TICAM2: variants seen among roughly 807,000 people sequenced by gnomAD.
The protein encoded by TICAM2 is TIR domain containing adaptor molecule 2.
TICAM2 carries 8 observed loss-of-function variants against 7.3 expected under a neutral mutation model. The ratio of observed to expected loss-of-function variants is 1.10; its 90% CI spans 0.65 to 1.99. TICAM2 has a LOEUF of 1.99. Ranked by LOEUF, TICAM2 falls within the 30% of genes most tolerant of loss-of-function variation. The pLI, the probability that TICAM2 is intolerant of heterozygous loss-of-function variation, is 0.00. For synonymous variants in TICAM2, 113 were observed against 99.6 expected, an observed-to-expected ratio of 1.13 and a Z score of -0.80; for missense variants, 304 against 278.8, an observed-to-expected ratio of 1.09 and a Z score of -0.65.
chr5:115,581,508 G>C (rs919556226), intron 1 of TICAM2, among the ~76,000 whole-genome samples, 193 bp from the exon 2 acceptor site: 2 of 152,126 alleles, frequency 1.3e-5, no homozygotes, highest in African/African-American at 4.8e-5. Flanking sequence ...AGGCAGCGAA[G>C]GGAACATTAA....
At chr5:115,601,996 C>T (rs948908716) in intron 1 of TICAM2, 101 bp downstream of exon 1, 2 of 152,170 alleles carry the variant, frequency 1.3e-5, no homozygotes, top group South Asian at 4.1e-4. Flanking sequence ...GGAGGTAGCG[C>T]AGGCGGCCTG....
At chr5:115,583,380 A>C (rs1025914988) in intron 1 of TICAM2, among the ~76,000 whole-genome samples, 40 of 152,248 alleles carry the variant, frequency 2.6e-4, no homozygotes, top group African/African-American at 9.2e-4. Flanking sequence ...TAGTGTGTCA[A>C]GGCAGATCAC....
rs762000950 is a variant in TICAM2, at chr5:115,581,216, G to A, written c.41C>T (p.Ser14Phe). The stretch of plus-strand genomic sequence containing the variant: ...ACTGTGCCTTTTACCCCAAGAGAGA[G>A]AAAGAGGGCAGGAATTTATTTTAGA... Reference protein sequence around the residue: ...GKSKINSCPLSLSWGKRHSVD... With the variant: ...GKSKINSCPLFLSWGKRHSVD... The change falls in exon 2 of 2, where the codon TCT becomes TTT. Residue 14 changes from serine (S) to phenylalanine (F), a missense_variant. By Grantham distance (155) the Ser-to-Phe change is radical. Transcript: ENST00000427199. 1.2e-6 allele frequency: 2 copies of A among 1,611,568 alleles called. No homozygotes were observed. The highest frequency in any genetic ancestry group is 1.7e-6 in the Non-Finnish European group (2 of 1,179,958).
At position 115,581,227 on chromosome 5, in the gene TICAM2, G is replaced by C; in HGVS notation, c.30C>G (p.Ser10=). Residue 10 remains serine (S), a synonymous_variant, in exon 2 of 2, where the codon TCC becomes TCG. Coordinates refer to ENST00000427199, the MANE Select transcript of TICAM2 (RefSeq NM_021649.7). MGIGKSKIN[S]CPLSLSWGKR... ...TACCCCAAGAGAGAGAAAGAGGGCA[G>C]GAATTTATTTTAGACTTCCCGATAC... The C allele has an allele frequency of 6.2e-7, 1 of 1,610,252 alleles. No homozygotes were observed. Among genetic ancestry groups the C allele is most frequent in the Non-Finnish European group, 8.5e-7 (1 of 1,179,966 alleles).
Position 115,595,364 on chromosome 5 carries a change from C to T in TICAM2, c.-60+6733G>A, listed in dbSNP as rs75518319. 5.0e-3 allele frequency among the ~76,000 whole-genome samples: 758 copies of T among 152,322 alleles called. 6 individuals are homozygous for T. Among genetic ancestry groups the T allele is most frequent in the African/African-American group, 0.017 (713 of 41,560 alleles). ...CAAACCCTCCCCACAACTCCACCCA[C>T]TAAACTTTAAGTCCTGCTAATAGAT... is the stretch of plus-strand genomic sequence containing the variant. On this transcript the variant is annotated intron_variant, in intron 1 of 1. Transcript: ENST00000427199.
Position 115,580,403 on chromosome 5 carries a change from A to G in TICAM2, c.*146T>C. On this transcript the variant is annotated 3_prime_UTR_variant, in exon 2 of 2. Transcript: ENST00000427199. ...ACCACAATTTTATAGGCTGTCCTGC[A>G]GAAATTTATCTTTCTTGTGCTCCAT... The G allele has an allele frequency of 9.2e-7, 1 of 1,086,968 alleles. No individual in the cohort carries two copies. The highest frequency in any genetic ancestry group is 1.2e-6 in the Non-Finnish European group (1 of 821,052). 67.3% of individuals were successfully genotyped at this position (1,086,968 alleles called of 1,614,324 possible).
intron 1 of TICAM2, among the ~76,000 whole-genome samples, chr5:115,590,433 C>A (rs569350718): frequency 2.6e-5 from 4 of 152,124 alleles, no homozygotes; most frequent in South Asian, 2.1e-4. Context: ...AAATATGAAA[C>A]CTTTCCACAG....
At chr5:115,581,380 T>C in intron 1 of TICAM2, 65 bp from the exon 2 acceptor site, 1 of 1,480,662 alleles carries the variant, frequency 6.8e-7, no homozygotes, top group South Asian at 1.3e-5. Context: ...ATGGAAACTT[T>C]CATTCAAACT....
chr5:115,582,802 A>G (rs1262435345), intron 1 of TICAM2, among the ~76,000 whole-genome samples: 1 of 152,258 alleles, frequency 6.6e-6, no homozygotes, highest in Non-Finnish European at 1.5e-5. Context: ...ACATGGCTAC[A>G]TATGCCTACA....
rs150020636 is a variant in TICAM2, at chr5:115,585,374, A to G, written c.-59-4059T>C. Among the ~76,000 whole-genome samples the G allele has an allele frequency of 7.0e-4, 107 of 152,340 alleles. 2 individuals carry two copies. In the East Asian group the frequency reaches 0.016, roughly 22 times the overall value. ...CTGAACTGTTTCTTACCAGTCAATG[A>G]GGAGATAAGCAGATTGTGCCAGGAT... On this transcript the variant is annotated intron_variant, in intron 1 of 1. Coordinates refer to ENST00000427199, the MANE Select transcript of TICAM2 (RefSeq NM_021649.7).
Position 115,581,234 on chromosome 5 carries a change from A to G in TICAM2, c.23T>C (p.Ile8Thr). The change falls in exon 2 of 2, where the codon ATA (isoleucine) becomes ACA (threonine). Residue 8 changes from isoleucine (I) to threonine (T), a missense_variant. Physicochemically the swap from Ile to Thr is moderately conservative, Grantham distance 89. Transcript: ENST00000427199. ...AGAGAGAGAAAGAGGGCAGGAATTT[A>G]TTTTAGACTTCCCGATACCCATTAT... is the stretch of plus-strand genomic sequence containing the variant. MGIGKSK[I>T]NSCPLSLSWG... 3 of 1,609,330 alleles carry G rather than the reference A, an allele frequency of 1.9e-6. No homozygotes were observed. Among genetic ancestry groups the G allele is most frequent in the Non-Finnish European group, 8.5e-7 (1 of 1,179,980 alleles).
chr5:115,581,861 A>G (rs965291620), intron 1 of TICAM2: 1 of 153,294 alleles, frequency 6.5e-6, no homozygotes, highest in Non-Finnish European at 1.5e-5. Context: ...AATGATGTCC[A>G]GGATTTACTG....
chr5:115,582,054 A>G (rs1266634333), intron 1 of TICAM2: 1 of 152,248 alleles, frequency 6.6e-6, no homozygotes, highest in Non-Finnish European at 1.5e-5. Flanking sequence ...TTTGGAAATG[A>G]ACTCTAGAAA....
chr5:115,594,668 A>C (rs1561577864), intron 1 of TICAM2, among the ~76,000 whole-genome samples: 2 of 152,236 alleles, frequency 1.3e-5, no homozygotes, highest in Non-Finnish European at 2.9e-5. Flanking sequence ...GACAGTGGCT[A>C]GACCTGTTAG....
At chr5:115,595,781 G>C (rs1426928832) in intron 1 of TICAM2, among the ~76,000 whole-genome samples, 1 of 151,994 alleles carries the variant, frequency 6.6e-6, no homozygotes, top group African/African-American at 2.4e-5. Context: ...TCATGTTGTT[G>C]CCTCCATGCT....
intron 1 of TICAM2, 63 bp from the exon 2 acceptor site, chr5:115,581,378 TTTCA>T: frequency 6.7e-7 from 1 of 1,490,808 alleles, no homozygotes; most frequent in South Asian, 1.3e-5. Context: ...AAATGGAAAC[TTTCA>T]TTCAAACTGA....
intron 1 of TICAM2, among the ~76,000 whole-genome samples, chr5:115,591,891 T>C (rs1236701404): frequency 5.3e-5 from 8 of 152,134 alleles, no homozygotes; most frequent in Admixed American, 2.0e-4. Context: ...GTAAAGACTT[T>C]GCAATATTGA....
At chr5:115,600,566 A>G (rs930504255) in intron 1 of TICAM2, among the ~76,000 whole-genome samples, 3 of 152,208 alleles carry the variant, frequency 2.0e-5, no homozygotes, top group Non-Finnish European at 4.4e-5. Flanking sequence ...AGCCAAGTGA[A>G]GAAGAAAGAA....
intron 1 of TICAM2, among the ~76,000 whole-genome samples, chr5:115,590,620 T>C (rs142948897): frequency 2.6e-5 from 4 of 152,206 alleles, no homozygotes; most frequent in Non-Finnish European, 5.9e-5. Context: ...TAGCTACAGA[T>C]GTATACAGAT....
Sources: gnomAD v4.1 joint callset for allele counts (sites outside exome capture counted in the v4.1 genomes callset) on GRCh38, gnomAD v4.1.1 for gene constraint, MANE v1.5 for transcripts, NCBI Gene and HGNC (gene_info 2026-07-23, HGNC 2026-07-21) for gene names.